CUX1: variants seen among roughly 807,000 people sequenced by gnomAD.
The protein encoded by CUX1 is cut like homeobox 1, also known as protein CASP.
In CUX1, 31 loss-of-function variants were observed where a neutral mutation model predicts 158.8. The ratio of observed to expected loss-of-function variants is 0.20; its 90% confidence interval spans 0.15 to 0.26. The LOEUF (loss-of-function observed/expected upper bound fraction) is 0.26. Ranked by LOEUF, CUX1 falls within the 10% of genes least tolerant of loss-of-function variation. CUX1 has a pLI of 1.00. For missense variants in CUX1, 1,589 were observed against 2,014.6 expected (o/e 0.79, Z 4.04); for synonymous variants, 879 against 862.1 (o/e 1.02, Z -0.34).
intron 1 of CUX1, among the ~76,000 whole-genome samples, chr7:101,847,766 C>T (rs1795846336): frequency 6.6e-6 from 1 of 151,760 alleles, no homozygotes; most frequent in Admixed American, 6.6e-5. Flanking sequence ...TGGCAGCTCA[C>T]CCATAGAAAC....
At chr7:101,979,672 C>T (rs1360256723) in intron 2 of CUX1, among the ~76,000 whole-genome samples, 2 of 151,536 alleles carry the variant, frequency 1.3e-5, no homozygotes, top group African/African-American at 2.4e-5. Context: ...TTTTTTGAGA[C>T]GGAGTCTTGC....
At chr7:101,833,562 T>A (rs1207903512) in intron 1 of CUX1, among the ~76,000 whole-genome samples, 1 of 75,814 alleles carries the variant, frequency 1.3e-5, no homozygotes, top group African/African-American at 5.7e-5. Context: ...CTCTGTCTCT[T>A]AAAAAAAAAA....
At chr7:102,082,418 C>T (rs1260205228) in intron 4 of CUX1, among the ~76,000 whole-genome samples, 1 of 146,750 alleles carries the variant, frequency 6.8e-6, no homozygotes, top group African/African-American at 2.4e-5. Context: ...CCCAGCTACT[C>T]AGGAGGCTGA....
At chr7:102,269,692 G>A (rs1214227317) in intron 14 of CUX1, among the ~76,000 whole-genome samples, 2 of 150,484 alleles carry the variant, frequency 1.3e-5, no homozygotes, top group Non-Finnish European at 2.9e-5. Context: ...TCAAAGTGCT[G>A]GGATTACAGG....
rs1563091728 is a variant in CUX1 at position 101,984,093 on chromosome 7, TATATATATATATATATA to T, written c.142-44004_142-43988del. Among the ~76,000 whole-genome samples, 52 of 49,434 alleles carry T rather than the reference TATATATATATATATATA, an allele frequency of 1.1e-3. 6 individuals carry two copies. Among genetic ancestry groups the T allele is most frequent in the South Asian group, 8.9e-3 (15 of 1,686 alleles). 32.4% of individuals were successfully genotyped at this position (49,434 alleles called of 152,430 possible). A position where few individuals can be genotyped will look rare whatever the true frequency, so the allele number is the denominator to read the frequency against. On this transcript the variant is annotated intron_variant, in intron 2 of 23. Coordinates refer to ENST00000292535, the MANE Select transcript of CUX1 (RefSeq NM_181552.4). ...GTCCCCCCCCAAAAAAAAAAAAATA[TATATATATATATATATA>T]TATATATATATATATATATACACAC...
chr7:102,274,649 G>A lies in CUX1; in HGVS notation c.1450+339G>A, dbSNP rs148170602. Among the ~76,000 whole-genome samples the A allele has an allele frequency of 1.3e-3, 194 of 152,324 alleles. 1 individual carries two copies. Among genetic ancestry groups the A allele is most frequent in the African/African-American group, 4.4e-3 (181 of 41,566 alleles). On this transcript the variant is annotated intron_variant, in intron 16 of 22. Transcript: ENST00000292538. ...AAAAAGGTGAATGAGCCCTCAACCTGCCTTTCTGGATCTTAGACTGACACC... is the reference window on the plus strand; with the variant it reads ...AAAAAGGTGAATGAGCCCTCAACCTACCTTTCTGGATCTTAGACTGACACC...
At position 102,178,346 on chromosome 7, in the gene CUX1, A is replaced by G. The variant is rs1224398367; in HGVS notation, c.829-123A>G. The G allele has an allele frequency of 3.1e-6, 3 of 961,652 alleles. No homozygotes were observed. The African/African-American group carries it at 4.9e-5, about 16-fold the overall frequency. The allele number at this position is 961,652 out of a possible 1,614,324, so 59.6% of individuals were successfully genotyped here. ...AGTGCAAGCAAGGGCAAGAAGTGAC[A>G]TCCTGCCATCACCATCCACACACTG... On this transcript the variant is annotated intron_variant, in intron 10 of 23. Transcript: ENST00000292535.
At chr7:102,108,305 A>G (rs1830573164) in intron 6 of CUX1, among the ~76,000 whole-genome samples, 1 of 152,202 alleles carries the variant, frequency 6.6e-6, no homozygotes, top group South Asian at 2.1e-4. Flanking sequence ...CATTACCACA[A>G]TGTGGAAATA....
At position 102,196,659 on chromosome 7, in the gene CUX1, C is replaced by T; in HGVS notation, c.1248C>T (p.Asp416=). 6.3e-7 allele frequency: 1 copy of T among 1,580,896 alleles called. No individual in the cohort carries two copies. Among genetic ancestry groups the T allele is most frequent in the Non-Finnish European group, 8.6e-7 (1 of 1,162,016 alleles). Residue 416 remains aspartate, a synonymous_variant, in exon 15 of 24, where the codon GAC becomes GAT. Transcript: ENST00000292535. ...LSGSARRKGK[D]QPESRRPGSL... Reference sequence around the variant, plus strand: ...GGTCAGCCAGGAGGAAAGGGAAAGACCAGCCTGAAAGTCGGCGCCCGGGAT... The same window carrying T: ...GGTCAGCCAGGAGGAAAGGGAAAGATCAGCCTGAAAGTCGGCGCCCGGGAT...
At chr7:102,005,078 TC>T (rs1817160376) in intron 2 of CUX1, among the ~76,000 whole-genome samples, 1 of 152,130 alleles carries the variant, frequency 6.6e-6, no homozygotes. Flanking sequence ...CTGCAGGTCA[TC>T]CCCCTGTTTG....
intron 8 of CUX1, among the ~76,000 whole-genome samples, chr7:102,143,719 C>G (rs924922822): frequency 2.0e-5 from 3 of 152,172 alleles, no homozygotes; most frequent in Non-Finnish European, 4.4e-5. Context: ...ACTGTCTTGA[C>G]TAAAGTTAGC....
intron 2 of CUX1, among the ~76,000 whole-genome samples, chr7:101,949,999 G>A (rs929857268): frequency 6.6e-6 from 1 of 151,866 alleles, no homozygotes; most frequent in East Asian, 1.9e-4. Context: ...CACAGGATCC[G>A]ACAGTTCCAG....
intron 11 of CUX1, among the ~76,000 whole-genome samples, chr7:102,188,154 G>A (rs369150324): frequency 9.9e-5 from 15 of 151,822 alleles, no homozygotes; most frequent in East Asian, 1.9e-4. Flanking sequence ...AGCTATGATC[G>A]CACCACTGCA....
chr7:101,865,833 C>CCGG (rs1269795895), intron 1 of CUX1, among the ~76,000 whole-genome samples: 1 of 152,220 alleles, frequency 6.6e-6, no homozygotes, highest in African/African-American at 2.4e-5. Context: ...AATGACTGCA[C>CCGG]CGGCCCTCAT....
intron 2 of CUX1, among the ~76,000 whole-genome samples, chr7:101,973,993 C>T (rs943873768): frequency 6.6e-6 from 1 of 151,706 alleles, no homozygotes; most frequent in Non-Finnish European, 1.5e-5. Flanking sequence ...TGGTCTGGAA[C>T]TCCTGACCTC....
At chr7:101,894,216 T>C (rs990496201) in intron 1 of CUX1, among the ~76,000 whole-genome samples, 2 of 152,254 alleles carry the variant, frequency 1.3e-5, no homozygotes, top group African/African-American at 2.4e-5. Context: ...CTAACAAGGA[T>C]GGGACTATTA....
chr7:101,937,172 G>T (rs886984181), intron 2 of CUX1, among the ~76,000 whole-genome samples: 2 of 152,172 alleles, frequency 1.3e-5, no homozygotes, highest in African/African-American at 4.8e-5. Context: ...CCTGGGGAGT[G>T]TGTGCTGCGT....
intron 1 of CUX1, among the ~76,000 whole-genome samples, chr7:101,831,780 C>T (rs933983362): frequency 1.4e-5 from 2 of 140,462 alleles, no homozygotes; most frequent in African/African-American, 2.5e-5. Context: ...CTCGCTCTGT[C>T]GCCCAGGCTC....
intron 10 of CUX1, among the ~76,000 whole-genome samples, chr7:102,177,321 G>A (rs1184468867): frequency 6.6e-6 from 1 of 151,706 alleles, no homozygotes; most frequent in Non-Finnish European, 1.5e-5. Context: ...GGCTGAGGCA[G>A]GAGAATTGCT....
Sources: gnomAD v4.1 joint callset for allele counts (sites outside exome capture counted in the v4.1 genomes callset) on GRCh38, gnomAD v4.1.1 for gene constraint, MANE v1.5 for transcripts, NCBI Gene and HGNC (gene_info 2026-07-23, HGNC 2026-07-21) for gene names.